Variants in ANKRD45 observed in about 807,000 individuals in gnomAD.
ANKRD45 encodes the protein ankyrin repeat domain-containing protein 45.
In ANKRD45, 21 loss-of-function variants were observed where a neutral mutation model predicts 28.1. That is an observed-to-expected ratio of 0.75 (90% CI 0.53 to 1.08). The LOEUF is 1.08. ANKRD45 is among the 50% of genes least tolerant of loss of function. ANKRD45 has a pLI of 0.00. For missense variants in ANKRD45, 261 were observed against 308.7 expected (o/e 0.85, Z 1.16); for synonymous variants, 86 against 103.9 (o/e 0.83, Z 1.05).
Position 173,612,315 on chromosome 1 carries a change from G to A in ANKRD45, c.731-2100C>T, listed in dbSNP as rs541816031. The stretch of plus-strand genomic sequence containing the variant: ...AGGAAAGAAGGAAAGAAGGAAGGAA[G>A]GAAAGAAGGAAGGAAGGAAGGAAGG... On this transcript the variant is annotated intron_variant, in intron 5 of 5. Coordinates refer to ENST00000333279, the MANE Select transcript of ANKRD45 (RefSeq NM_198493.3). Among the ~76,000 whole-genome samples the A allele has an allele frequency of 1.2e-4, 13 of 104,272 alleles. No homozygotes were observed. The East Asian group carries it at 2.0e-3, about 16-fold the overall frequency. 68.4% of individuals were successfully genotyped at this position (104,272 alleles called of 152,430 possible).
chr1:173,662,790 A>G (rs1669836184), intron 1 of ANKRD45, among the ~76,000 whole-genome samples: 1 of 152,152 alleles, frequency 6.6e-6, no homozygotes, highest in Admixed American at 6.5e-5. Context: ...AGACTGTACA[A>G]TGCGGTGTGG....
At chr1:173,679,027 C>T in the ANKRD45 span, among the ~76,000 whole-genome samples, 5 of 152,102 alleles carry the variant, frequency 3.3e-5, no homozygotes, top group Non-Finnish European at 5.9e-5. Context: ...AACTACAAAC[C>T]ACTGCTCAAC....
chr1:173,685,099 A>G, the ANKRD45 span, among the ~76,000 whole-genome samples: 129 of 152,316 alleles, frequency 8.5e-4, no homozygotes, highest in African/African-American at 2.9e-3. Context: ...TGAAAGGGAT[A>G]GCCAATTGGA....
intron 3 of ANKRD45, among the ~76,000 whole-genome samples, chr1:173,627,891 G>A (rs993811989): frequency 6.6e-6 from 1 of 151,602 alleles, no homozygotes; most frequent in Admixed American, 6.6e-5. Flanking sequence ...GGAGAAGAGA[G>A]GCAAAAGTGA....
chr1:173,711,341 A>G, the ANKRD45 span, among the ~76,000 whole-genome samples: 1 of 152,224 alleles, frequency 6.6e-6, no homozygotes, highest in Non-Finnish European at 1.5e-5. Flanking sequence ...GGTTTTACAC[A>G]TTTTAGGGAG....
chr1:173,624,715 C>A, intron 5 of ANKRD45, 72 bp downstream of exon 5: 1 of 1,459,470 alleles, frequency 6.9e-7, no homozygotes, highest in Non-Finnish European at 9.4e-7. Context: ...ATCAGAATAT[C>A]TCAAAAATAA....
intron 1 of ANKRD45, among the ~76,000 whole-genome samples, chr1:173,659,910 A>G (rs1341885744): frequency 2.0e-5 from 3 of 152,214 alleles, no homozygotes; most frequent in Admixed American, 2.0e-4. Context: ...AATTGTGAAA[A>G]CCAGAATCAA....
At chr1:173,666,457 C>T (rs1297902816) in intron 1 of ANKRD45, among the ~76,000 whole-genome samples, 3 of 152,162 alleles carry the variant, frequency 2.0e-5, no homozygotes, top group Non-Finnish European at 4.4e-5. Flanking sequence ...TGTTCAAGTG[C>T]CTTATATAAA....
intron 4 of ANKRD45, among the ~76,000 whole-genome samples, chr1:173,626,365 G>A (rs552190855): frequency 1.6e-4 from 25 of 152,294 alleles, no homozygotes; most frequent in Middle Eastern, 3.4e-3. Context: ...CTAGTACTTA[G>A]ATATGTGGCA....
intron 5 of ANKRD45, among the ~76,000 whole-genome samples, chr1:173,613,757 G>A (rs1397700490): frequency 1.3e-4 from 20 of 152,192 alleles, no homozygotes; most frequent in Non-Finnish European, 2.4e-4. Context: ...CCACCACCCC[G>A]TCTGGGAGGT....
At chr1:173,627,300 A>C in intron 3 of ANKRD45, 141 bp from the exon 4 acceptor site, 1 of 618,890 alleles carries the variant, frequency 1.6e-6, no homozygotes, top group Non-Finnish European at 2.9e-6. Flanking sequence ...AAGCACCAAC[A>C]TGAGAACCAA....
At chr1:173,699,906 G>A in the ANKRD45 span, among the ~76,000 whole-genome samples, 5 of 152,160 alleles carry the variant, frequency 3.3e-5, no homozygotes, top group African/African-American at 1.2e-4. Flanking sequence ...TGACATGATT[G>A]TATATTTAGA....
chr1:173,625,212 A>G (rs7514876), intron 4 of ANKRD45, among the ~76,000 whole-genome samples: 64,527 of 151,982 alleles, frequency 0.42, 17,281 homozygotes, highest in African/African-American at 0.75. Flanking sequence ...CAGCTCTAAC[A>G]TTAGTGGAAT....
chr1:173,608,519 A>G lies in ANKRD45; in HGVS notation c.*1626T>C, dbSNP rs919725068. ...TTTTTAGTAGAGACAGGGTTTCACC[A>G]TGTTGGCCAGGCTTGTCTCAAACCG... On this transcript the variant is annotated 3_prime_UTR_variant, in exon 6 of 6. Coordinates refer to ENST00000333279, the MANE Select transcript of ANKRD45 (RefSeq NM_198493.3). 2.0e-5 allele frequency among the ~76,000 whole-genome samples: 3 copies of G among 151,832 alleles called. No homozygotes were observed. The highest frequency in any genetic ancestry group is 4.8e-5 in the African/African-American group (2 of 41,336).
At chr1:173,615,750 T>C (rs1667435125) in intron 5 of ANKRD45, among the ~76,000 whole-genome samples, 1 of 152,150 alleles carries the variant, frequency 6.6e-6, no homozygotes, top group Non-Finnish European at 1.5e-5. Flanking sequence ...AACAGTTCAT[T>C]GCAGCATTAT....
intron 3 of ANKRD45, among the ~76,000 whole-genome samples, chr1:173,631,830 T>C (rs1571717047): frequency 6.6e-6 from 1 of 151,934 alleles, no homozygotes; most frequent in East Asian, 1.9e-4. Context: ...AAGTATGGAA[T>C]GCAGTGAAAG....
chr1:173,710,828 G>A, the ANKRD45 span, among the ~76,000 whole-genome samples: 1 of 152,036 alleles, frequency 6.6e-6, no homozygotes, highest in East Asian at 1.9e-4. Flanking sequence ...TCACCCGATG[G>A]TCACCTGACA....
intron 1 of ANKRD45, 145 bp downstream of exon 1, chr1:173,669,672 C>CA (rs1251030412): frequency 2.8e-6 from 1 of 360,800 alleles, no homozygotes; most frequent in Non-Finnish European, 5.7e-6. Flanking sequence ...AAGCTCTGGA[C>CA]AGAAGCAGTG....
chr1:173,674,377 C>G (rs1016040973), upstream of ANKRD45, among the ~76,000 whole-genome samples: 1 of 151,750 alleles, frequency 6.6e-6, no homozygotes, highest in African/African-American at 2.4e-5. Context: ...ATTCACCATG[C>G]TTTTGTGAAC....
Sources: gnomAD v4.1 joint callset for allele counts (sites outside exome capture counted in the v4.1 genomes callset) on GRCh38, gnomAD v4.1.1 for gene constraint, MANE v1.5 for transcripts, NCBI Gene and HGNC (gene_info 2026-07-23, HGNC 2026-07-21) for gene names.